Variants in PCDHA5 observed in about 807,000 individuals in gnomAD.
The protein encoded by PCDHA5 is protocadherin alpha 5.
In PCDHA5, 43 loss-of-function variants were observed where a neutral mutation model predicts 61.6. That is an observed-to-expected ratio of 0.70 (90% confidence interval 0.55 to 0.90). PCDHA5 has a LOEUF of 0.90. PCDHA5 is among the 40% of genes least tolerant of loss of function. The pLI, the probability that PCDHA5 is intolerant of heterozygous loss-of-function variation, is 0.00. For missense variants in PCDHA5, 1,298 were observed against 1,222.7 expected, an observed-to-expected ratio of 1.06 and a Z score of -0.92; for synonymous variants, 627 against 543.9, an observed-to-expected ratio of 1.15 and a Z score of -2.13.
At chr5:140,866,404 A>C (rs781790462) in intron 1 of PCDHA5, 1 of 152,130 alleles carries the variant, frequency 6.6e-6, no homozygotes, top group Non-Finnish European at 1.5e-5. Context: ...TTCCCATGAA[A>C]ATCTTCAAAT....
In PCDHA5 at chr5:140,821,741, T is replaced by A; in HGVS notation, c.-35T>A. ...ATTTACAAAATACATTGTGTGGTGA[T>A]GCAATAGAAAGCTCATAATTGGAAC... On this transcript the variant is annotated 5_prime_UTR_variant, in exon 1 of 4. An upstream start codon of the reference 5' UTR is lost. Coordinates refer to ENST00000529859, the MANE Select transcript of PCDHA5 (RefSeq NM_018908.3). The A allele has an allele frequency of 1.9e-6, 3 of 1,554,034 alleles. No homozygotes were observed. The highest frequency in any genetic ancestry group is 2.6e-6 in the Non-Finnish European group (3 of 1,148,938).
chr5:140,877,276 G>C, intron 1 of PCDHA5: 2 of 1,613,862 alleles, frequency 1.2e-6, no homozygotes, highest in Non-Finnish European at 1.7e-6. Flanking sequence ...CGCTGACTCC[G>C]GCTATAACGC....
intron 1 of PCDHA5, chr5:140,871,246 C>A: frequency 6.2e-7 from 1 of 1,613,982 alleles, no homozygotes; most frequent in Non-Finnish European, 8.5e-7. Flanking sequence ...ACTCACGCTG[C>A]TGCTGTATAC....
At chr5:140,899,512 G>T (rs4386771) in intron 1 of PCDHA5, among the ~76,000 whole-genome samples, 1 of 152,040 alleles carries the variant, frequency 6.6e-6, no homozygotes, top group African/African-American at 2.4e-5. Flanking sequence ...TGCATATATT[G>T]CATCCCAGGG....
intron 3 of PCDHA5, among the ~76,000 whole-genome samples, chr5:140,987,875 G>A (rs1293461683): frequency 6.6e-6 from 1 of 152,008 alleles, no homozygotes; most frequent in Non-Finnish European, 1.5e-5. Flanking sequence ...GTGGAAAATG[G>A]ACAGTTTATG....
chr5:140,841,689 T>C, intron 1 of PCDHA5: 1 of 1,613,616 alleles, frequency 6.2e-7, no homozygotes, highest in South Asian at 1.1e-5. Flanking sequence ...GACGTGGAGG[T>C]GAAGGATGTT....
chr5:140,938,455 T>C (rs1317742854), intron 1 of PCDHA5, among the ~76,000 whole-genome samples: 1 of 152,196 alleles, frequency 6.6e-6, no homozygotes, highest in East Asian at 1.9e-4. Flanking sequence ...TTCCCTTTGT[T>C]TTTTAATTTA....
chr5:140,857,197 G>A, intron 1 of PCDHA5: 2 of 1,598,586 alleles, frequency 1.3e-6, no homozygotes, highest in South Asian at 1.1e-5. Context: ...CCAACGGACA[G>A]GTCACCTGCT....
chr5:140,843,636 TC>T, intron 1 of PCDHA5: 2 of 1,595,920 alleles, frequency 1.3e-6, no homozygotes, highest in Non-Finnish European at 1.7e-6. Context: ...CTCATGGCCT[TC>T]AGCCCCTGCC....
chr5:140,891,055 G>A (rs2062932146), intron 1 of PCDHA5, among the ~76,000 whole-genome samples: 1 of 152,142 alleles, frequency 6.6e-6, no homozygotes, highest in Admixed American at 6.5e-5. Context: ...ACAGCACATA[G>A]TAAATATTAT....
At chr5:140,898,471 C>G (rs1421437999) in intron 1 of PCDHA5, among the ~76,000 whole-genome samples, 1 of 152,108 alleles carries the variant, frequency 6.6e-6, no homozygotes, top group African/African-American at 2.4e-5. Flanking sequence ...GCTTGTTTTT[C>G]TCAGGTTTGT....
At chr5:141,000,361 GTCTCTCTC>G (rs148596731) in intron 3 of PCDHA5, among the ~76,000 whole-genome samples, 2,007 of 26,308 alleles carry the variant, frequency 0.076, 129 homozygotes, top group East Asian at 0.15. Context: ...GTCTCTCTCT[GTCTCTCTC>G]TCTCTCTCTC....
In PCDHA5 at chr5:140,843,148, T is replaced by G. The variant is rs2150353872; in HGVS notation, c.2352+19021T>G. On this transcript the variant is annotated intron_variant, in intron 1 of 3. Transcript: ENST00000529859. ...CGGGCTACAACGCGTGGCTTTCGTA[T>G]GAGCTGCAGCCAGCTGCAAGCAGCC... is the stretch of plus-strand genomic sequence containing the variant. The G allele has an allele frequency of 1.9e-5, 30 of 1,595,940 alleles. 4 individuals are homozygous for G. The highest frequency in any genetic ancestry group is 2.5e-5 in the Non-Finnish European group (29 of 1,165,574).
At chr5:140,836,208 T>A (rs2150255452) in intron 1 of PCDHA5, 31 of 1,613,658 alleles carry the variant, frequency 1.9e-5, no homozygotes, top group Non-Finnish European at 2.6e-5. Flanking sequence ...GTGGCTTTCG[T>A]ATGAGTTGCA....
At chr5:140,970,862 T>C (rs2153787404) in intron 1 of PCDHA5, among the ~76,000 whole-genome samples, 1 of 152,312 alleles carries the variant, frequency 6.6e-6, no homozygotes, top group South Asian at 2.1e-4. Flanking sequence ...GTTCCATTCC[T>C]GATTGAGAGT....
chr5:140,849,857 G>C (rs781928576), intron 1 of PCDHA5: 1 of 1,598,626 alleles, frequency 6.3e-7, no homozygotes, highest in Non-Finnish European at 8.6e-7. Context: ...ACGCACCAGC[G>C]TTCGCGCAGT....
chr5:140,965,238 A>G (rs540671197), intron 1 of PCDHA5, among the ~76,000 whole-genome samples: 3 of 152,196 alleles, frequency 2.0e-5, no homozygotes, highest in Non-Finnish European at 2.9e-5. Context: ...ACCTGGGAAG[A>G]GTGAATATTC....
intron 3 of PCDHA5, chr5:140,989,128 G>T (rs2097330831): frequency 1.3e-5 from 2 of 152,178 alleles, no homozygotes; most frequent in Non-Finnish European, 2.9e-5. Flanking sequence ...AGAAAAATAA[G>T]ACACTTTATC....
At chr5:140,847,770 T>C (rs2150403735) in intron 1 of PCDHA5, 3 of 149,954 alleles carry the variant, frequency 2.0e-5, no homozygotes, top group African/African-American at 7.3e-5. Context: ...TTAAAGTCAA[T>C]TCTCGCTTTT....
Sources: allele counts gnomAD v4.1 joint callset (sites outside exome capture counted in the v4.1 genomes callset), GRCh38; gene constraint gnomAD v4.1.1; transcripts MANE v1.5; gene names NCBI Gene and HGNC (gene_info 2026-07-23, HGNC 2026-07-21).